The following ABHD6 variants were observed in gnomAD, a reference collection of about 807,000 sequenced individuals.
ABHD6 encodes the protein abhydrolase domain containing 6, acylglycerol lipase, also known as monoacylglycerol lipase ABHD6.
A neutral mutation model predicts 38.8 loss-of-function variants in ABHD6; 33 were observed. That is an observed-to-expected ratio of 0.85 (90% CI 0.64 to 1.14). The LOEUF (loss-of-function observed/expected upper bound fraction) is 1.14. Ranked by LOEUF, ABHD6 falls within the 50% of genes most tolerant of loss-of-function variation. The pLI is 0.00. For synonymous variants in ABHD6, 147 were observed against 161.6 expected, an observed-to-expected ratio of 0.91 and a Z score of 0.69; for missense variants, 380 against 422.6, an observed-to-expected ratio of 0.90 and a Z score of 0.88.
chr3:58,288,813 A>C (rs2097459387), intron 9 of ABHD6, among the ~76,000 whole-genome samples: 1 of 152,204 alleles, frequency 6.6e-6, no homozygotes, highest in Non-Finnish European at 1.5e-5. Flanking sequence ...TGTGTCATGC[A>C]GGTGCAGGGT....
At position 58,266,503 on chromosome 3, in the gene ABHD6, A is replaced by G. The variant is rs928715226; in HGVS notation, c.120-686A>G. ...TTATGTATGCTCTCACATTTTTTGTATGCGGATAAAAGTAAATGAATATAT... is the reference window on the plus strand; with the variant it reads ...TTATGTATGCTCTCACATTTTTTGTGTGCGGATAAAAGTAAATGAATATAT... On this transcript the variant is annotated intron_variant, in intron 3 of 9. Coordinates refer to ENST00000478253, the MANE Select transcript of ABHD6 (RefSeq NM_001320126.2). This position sits in a 1 kb window ranked among gnomAD's most constrained non-coding sequence, Gnocchi z 4.0. Among the ~76,000 whole-genome samples the G allele has an allele frequency of 2.0e-5, 3 of 151,264 alleles. No individual in the cohort carries two copies. The highest frequency in any genetic ancestry group is 2.0e-4 in the Admixed American group (3 of 15,212).
chr3:58,286,201 A>G (rs554173914), intron 9 of ABHD6, among the ~76,000 whole-genome samples: 2 of 152,112 alleles, frequency 1.3e-5, no homozygotes, highest in East Asian at 1.9e-4. Flanking sequence ...TTGTATTTTT[A>G]GTAGAGACGG....
intron 7 of ABHD6, among the ~76,000 whole-genome samples, chr3:58,276,643 C>G (rs2097448949): frequency 6.6e-6 from 1 of 152,158 alleles, no homozygotes; most frequent in Non-Finnish European, 1.5e-5. Flanking sequence ...TCTATTTTGG[C>G]TTTTGTTGCC....
chr3:58,274,835 G>T lies in ABHD6; in HGVS notation c.681+20G>T. On this transcript the variant is annotated intron_variant, in intron 7 of 9. Transcript: ENST00000478253. ...CAGCAGGTAACGTGGTTGCAGCAGCGACACAACTACCCTCCCCAGAGGCCC... is the reference window on the plus strand; with the variant it reads ...CAGCAGGTAACGTGGTTGCAGCAGCTACACAACTACCCTCCCCAGAGGCCC... The T allele has an allele frequency of 6.2e-7, 1 of 1,611,210 alleles. No individual in the cohort carries two copies. Among genetic ancestry groups the T allele is most frequent in the Admixed American group, 1.7e-5 (1 of 59,634 alleles).
At chr3:58,276,128 C>T (rs2097448538) in intron 7 of ABHD6, among the ~76,000 whole-genome samples, 1 of 152,114 alleles carries the variant, frequency 6.6e-6, no homozygotes, top group South Asian at 2.1e-4. Context: ...AGGGTATATA[C>T]CTAGTAATGG....
chr3:58,268,277 C>T (rs1451135932), intron 4 of ABHD6, among the ~76,000 whole-genome samples: 1 of 152,106 alleles, frequency 6.6e-6, no homozygotes, highest in Non-Finnish European at 1.5e-5. Context: ...TTTTTTTGTA[C>T]TCCCAAGTTT....
intron 6 of ABHD6, among the ~76,000 whole-genome samples, chr3:58,272,611 A>G (rs1330141334): frequency 6.6e-6 from 1 of 152,210 alleles, no homozygotes; most frequent in Admixed American, 6.5e-5. Flanking sequence ...AATAAGTTTG[A>G]GAATTGAAGG....
At chr3:58,261,103 T>C (rs2097436638) in intron 3 of ABHD6, among the ~76,000 whole-genome samples, 6 of 152,150 alleles carry the variant, frequency 3.9e-5, no homozygotes, top group Admixed American at 3.3e-4. Flanking sequence ...TCAGGACTGT[T>C]CACAAGATGA....
At chr3:58,264,757 A>T in intron 3 of ABHD6, among the ~76,000 whole-genome samples, 1 of 152,084 alleles carries the variant, frequency 6.6e-6, no homozygotes, top group East Asian at 1.9e-4. Flanking sequence ...TTTCTTTATT[A>T]ATTTTTTATT....
At chr3:58,288,952 G>C (rs1201576847) in intron 9 of ABHD6, among the ~76,000 whole-genome samples, 1 of 152,106 alleles carries the variant, frequency 6.6e-6, no homozygotes, top group African/African-American at 2.4e-5. Flanking sequence ...CTTAAATTTT[G>C]TGCCTTAGGC....
rs766866488 is a variant in ABHD6, at chr3:58,285,366, C to T, written c.750C>T (p.Ile250=). The T allele has an allele frequency of 1.7e-5, 27 of 1,613,978 alleles. No individual in the cohort carries two copies. Among genetic ancestry groups the T allele is most frequent in the Admixed American group, 1.3e-4 (8 of 60,000 alleles). Residue 250 remains isoleucine (I), a synonymous_variant, in exon 9 of 10, where the codon ATC becomes ATT. Transcript: ENST00000478253. This position sits in a 1 kb window ranked among gnomAD's most constrained non-coding sequence, Gnocchi z 4.9. ...TTTTCTGACAAGTGTTTTTGGAAAT[C>T]GTCAGTGAGAAGTCCAGATACTCTC... ...NNFYRKLFLE[I]VSEKSRYSLH... is the part of the protein sequence containing the mutation.
chr3:58,264,765 A>T lies in ABHD6; in HGVS notation c.120-2424A>T, dbSNP rs527982672. The stretch of plus-strand genomic sequence containing the variant: ...CATATTTTTTCTTTATTAATTTTTT[A>T]TTTAAAAATTTGGGGGGTACATAGT... On this transcript the variant is annotated intron_variant, in intron 3 of 9. Transcript: ENST00000478253. Among the ~76,000 whole-genome samples the T allele has an allele frequency of 1.4e-3, 217 of 152,204 alleles. 2 individuals carry two copies. Among genetic ancestry groups the T allele is most frequent in the African/African-American group, 5.1e-3 (213 of 41,518 alleles).
intron 7 of ABHD6, among the ~76,000 whole-genome samples, chr3:58,280,506 G>A (rs998504092): frequency 1.3e-5 from 2 of 152,050 alleles, no homozygotes; most frequent in East Asian, 3.9e-4. Flanking sequence ...TTTTTTCAAG[G>A]TTTTTAGCTT....
At chr3:58,247,243 A>G (rs1430413013) in intron 1 of ABHD6, among the ~76,000 whole-genome samples, 1 of 151,908 alleles carries the variant, frequency 6.6e-6, no homozygotes, top group African/African-American at 2.4e-5. Context: ...GCTCAAAGTG[A>G]TCCTCCTGCT....
intron 7 of ABHD6, among the ~76,000 whole-genome samples, chr3:58,275,108 G>GGT: frequency 6.6e-6 from 1 of 152,180 alleles, no homozygotes; most frequent in African/African-American, 2.4e-5. Context: ...AAATGAAGAT[G>GGT]GTGTAGTGAT....
chr3:58,274,667 A>G lies in ABHD6; in HGVS notation c.533A>G (p.Tyr178Cys), dbSNP rs777849495. 2.5e-6 allele frequency: 4 copies of G among 1,614,076 alleles called. No homozygotes were observed. The Admixed American group carries it at 6.7e-5, about 27-fold the overall frequency. ...GGTTTGAATCCCACAGGCCTGCAGT[A>G]CTCAACTGACAATCAATTTGTACAA... is the stretch of plus-strand genomic sequence containing the variant. Reference protein sequence around the residue: ...LCLVCPAGLQYSTDNQFVQRL... With the variant: ...LCLVCPAGLQCSTDNQFVQRL... The change falls in exon 7 of 10, where the codon TAC becomes TGC. Residue 178 changes from tyrosine (Y) to cysteine (C), a missense_variant. Coordinates refer to ENST00000478253, the MANE Select transcript of ABHD6 (RefSeq NM_001320126.2).
At position 58,256,664 on chromosome 3, in the gene ABHD6, A is replaced by G; in HGVS notation, c.78A>G (p.Ser26=). ...LAIPILAFVA[S]FLLWPSALIR... ...TCCCAATCCTGGCATTTGTGGCTTCATTTCTTCTGTGGCCTTCAGCACTGA... is the reference window on the plus strand; with the variant it reads ...TCCCAATCCTGGCATTTGTGGCTTCGTTTCTTCTGTGGCCTTCAGCACTGA... Residue 26 remains serine (S), a synonymous_variant, in exon 3 of 10, where the codon TCA becomes TCG. Transcript: ENST00000478253. This position sits in a 1 kb window ranked among gnomAD's most constrained non-coding sequence, Gnocchi z 4.3. The G allele has an allele frequency of 6.2e-7, 1 of 1,613,560 alleles. No homozygotes were observed. The highest frequency in any genetic ancestry group is 8.5e-7 in the Non-Finnish European group (1 of 1,180,010).
At position 58,259,909 on chromosome 3, in the gene ABHD6, T is replaced by A. The variant is rs182745631; in HGVS notation, c.119+3204T>A. On this transcript the variant is annotated intron_variant, in intron 3 of 9. Coordinates refer to ENST00000478253, the MANE Select transcript of ABHD6 (RefSeq NM_001320126.2). This position sits in a 1 kb window ranked among gnomAD's most constrained non-coding sequence, Gnocchi z 4.7. ...TTCCTGTCTTTTTAGATGTGCCCAT[T>A]ACGGACATTTCACGTAAACGGGGTT... Among the ~76,000 whole-genome samples the A allele has an allele frequency of 1.3e-5, 2 of 152,290 alleles. No homozygotes were observed. The highest frequency in any genetic ancestry group is 4.8e-5 in the African/African-American group (2 of 41,566).
intron 9 of ABHD6, among the ~76,000 whole-genome samples, chr3:58,286,834 G>T (rs1374798964): frequency 2.4e-5 from 1 of 41,666 alleles, no homozygotes; most frequent in African/African-American, 1.1e-4. Context: ...GTGTGTGTGT[G>T]TGTGTGTGTG....
Sources: allele counts gnomAD v4.1 joint callset (sites outside exome capture counted in the v4.1 genomes callset), GRCh38; gene constraint gnomAD v4.1.1; non-coding constraint Gnocchi (gnomAD v3.1); transcripts MANE v1.5; gene names NCBI Gene and HGNC (gene_info 2026-07-23, HGNC 2026-07-21).